Variants in LRMDA observed in about 807,000 individuals in gnomAD.
LRMDA encodes leucine rich melanocyte differentiation associated, also known as leucine-rich melanocyte differentiation-associated protein.
LRMDA carries 18 observed loss-of-function variants against 29.8 expected under a neutral mutation model. The observed-to-expected ratio is 0.60, with a 90% CI of 0.42 to 0.90. The LOEUF (loss-of-function observed/expected upper bound fraction) is 0.90, where lower values mean the gene tolerates loss of function less well. LRMDA is among the 40% of genes least tolerant of loss of function. LRMDA has a pLI of 0.00. For missense variants in LRMDA, 273 were observed against 273.9 expected (o/e 1.00, Z 0.02); for synonymous variants, 125 against 109.4 (o/e 1.14, Z -0.89).
At chr10:75,645,265 G>A (rs1841504056) in intron 2 of LRMDA, among the ~76,000 whole-genome samples, 2 of 152,212 alleles carry the variant, frequency 1.3e-5, no homozygotes, top group African/African-American at 4.8e-5. Context: ...TTACAGGCGT[G>A]AGCCACCGTG....
intron 2 of LRMDA, among the ~76,000 whole-genome samples, chr10:75,720,937 G>A (rs1379123441): frequency 6.6e-6 from 1 of 152,196 alleles, no homozygotes; most frequent in Non-Finnish European, 1.5e-5. Flanking sequence ...CTGGGTAGGG[G>A]TTAGTTTGGG....
intron 5 of LRMDA, among the ~76,000 whole-genome samples, chr10:76,129,133 C>T (rs995941500): frequency 6.6e-6 from 1 of 152,206 alleles, no homozygotes; most frequent in Admixed American, 6.5e-5. Flanking sequence ...TTCCAGTGTG[C>T]TTCCTAACCA....
chr10:75,798,944 TATC>T (rs1843700728), intron 2 of LRMDA, among the ~76,000 whole-genome samples: 1 of 152,194 alleles, frequency 6.6e-6, no homozygotes, highest in South Asian at 2.1e-4. Flanking sequence ...TTATTTTAAT[TATC>T]ATTATGGCAT....
At chr10:75,835,568 T>G (rs1261105266) in intron 2 of LRMDA, among the ~76,000 whole-genome samples, 2 of 152,216 alleles carry the variant, frequency 1.3e-5, no homozygotes, top group Non-Finnish European at 2.9e-5. Flanking sequence ...TTCTCCCAAC[T>G]TTTAGAAGGT....
chr10:76,303,018 A>G (rs1243630123), intron 5 of LRMDA, among the ~76,000 whole-genome samples: 1 of 152,174 alleles, frequency 6.6e-6, no homozygotes, highest in African/African-American at 2.4e-5. Flanking sequence ...AAAGAAAGAA[A>G]AAAGCATTTC....
chr10:75,870,807 C>T (rs10824345), intron 2 of LRMDA, among the ~76,000 whole-genome samples: 59,006 of 151,974 alleles, frequency 0.39, 13,345 homozygotes, highest in South Asian at 0.52. Context: ...GTGATATTTA[C>T]CCCTGTCTCC....
intron 2 of LRMDA, among the ~76,000 whole-genome samples, chr10:75,728,534 G>T (rs1232251900): frequency 6.6e-6 from 1 of 151,122 alleles, no homozygotes; most frequent in African/African-American, 2.4e-5. Flanking sequence ...CTCAAGAAGG[G>T]CAGAAAAGAC....
chr10:75,574,618 C>A (rs889345439), intron 2 of LRMDA, among the ~76,000 whole-genome samples: 1 of 152,170 alleles, frequency 6.6e-6, no homozygotes, highest in African/African-American at 2.4e-5. Flanking sequence ...ATAGGCCCTT[C>A]TTCTTCCCCT....
intron 2 of LRMDA, among the ~76,000 whole-genome samples, chr10:75,775,121 G>C (rs1207232388): frequency 1.3e-5 from 2 of 152,182 alleles, no homozygotes; most frequent in Non-Finnish European, 2.9e-5. Context: ...TCCTGAGAGG[G>C]GCCTATCAAG....
chr10:76,483,424 C>A (rs1262306672), intron 6 of LRMDA, among the ~76,000 whole-genome samples: 1 of 151,840 alleles, frequency 6.6e-6, no homozygotes, highest in Non-Finnish European at 1.5e-5. Flanking sequence ...TCACCCAAGA[C>A]CATGGTAACA....
chr10:75,450,525 A>G (rs1433575688), intron 2 of LRMDA: 1 of 152,214 alleles, frequency 6.6e-6, no homozygotes, highest in Non-Finnish European at 1.5e-5. Context: ...ATTAAACACA[A>G]TTGGAGGGAG....
At position 76,376,865 on chromosome 10, in the gene LRMDA, CTTTTTTTTTTTTTTTTTTTTTTTTTTT is replaced by C. The variant is rs71024600; in HGVS notation, c.601+52392_601+52418del. Among the ~76,000 whole-genome samples the C allele has an allele frequency of 1.1e-4, 5 of 47,374 alleles. 1 individual carries two copies. The highest frequency in any genetic ancestry group is 1.5e-4 in the Non-Finnish European group (4 of 25,832). The allele number at this position is 47,374 out of a possible 152,430, so 31.1% of individuals were successfully genotyped here. Reference sequence around the variant, plus strand: ...AAATGTTTGTTGGGCACTTGGAAGTCTTTTTTTTTTTTTTTTTTTTTTTTTTTTTTTTTTTTTTGAGACGTAGTCTCG... The same window carrying C: ...AAATGTTTGTTGGGCACTTGGAAGTCTTTTTTTTTTTGAGACGTAGTCTCG... On this transcript the variant is annotated intron_variant, in intron 6 of 6. Coordinates refer to ENST00000611255, the MANE Select transcript of LRMDA (RefSeq NM_001305581.2).
intron 2 of LRMDA, among the ~76,000 whole-genome samples, chr10:75,966,192 A>G (rs1345796684): frequency 6.6e-6 from 1 of 152,162 alleles, no homozygotes; most frequent in African/African-American, 2.4e-5. Flanking sequence ...TGTCCCACTG[A>G]TGGGATATAT....
At chr10:76,143,093 A>G (rs984183125) in intron 5 of LRMDA, among the ~76,000 whole-genome samples, 2 of 151,956 alleles carry the variant, frequency 1.3e-5, no homozygotes, top group Admixed American at 1.3e-4. Context: ...GTCTATCGTT[A>G]TTGGACATTT....
At chr10:75,661,286 C>T (rs187950309) in intron 2 of LRMDA, among the ~76,000 whole-genome samples, 3 of 152,330 alleles carry the variant, frequency 2.0e-5, no homozygotes, top group Non-Finnish European at 2.9e-5. Flanking sequence ...CTCGAAGGAT[C>T]CCAACAGAGG....
At chr10:76,363,363 G>A (rs1189561135) in intron 6 of LRMDA, among the ~76,000 whole-genome samples, 10 of 152,178 alleles carry the variant, frequency 6.6e-5, no homozygotes, top group African/African-American at 2.2e-4. Context: ...AGATTGGAAA[G>A]GAAGAAGTAA....
intron 5 of LRMDA, among the ~76,000 whole-genome samples, chr10:76,208,233 T>C (rs149219130): frequency 6.6e-6 from 1 of 152,050 alleles, no homozygotes; most frequent in Non-Finnish European, 1.5e-5. Flanking sequence ...TGTTACCGAG[T>C]TTTTTTAAAA....
chr10:76,392,990 T>A (rs1026818415), intron 6 of LRMDA, among the ~76,000 whole-genome samples: 3 of 152,166 alleles, frequency 2.0e-5, no homozygotes, highest in Admixed American at 6.6e-5. Flanking sequence ...TCCAGGTTCA[T>A]CCATGTTGTT....
intron 2 of LRMDA, chr10:75,882,884 G>C (rs140034281): frequency 6.6e-6 from 1 of 152,446 alleles, no homozygotes; most frequent in African/African-American, 2.4e-5. Flanking sequence ...GTAAAGGGAG[G>C]TGGTGGCTGC....
Sources: gnomAD v4.1 joint callset for allele counts (sites outside exome capture counted in the v4.1 genomes callset) on GRCh38, gnomAD v4.1.1 for gene constraint, MANE v1.5 for transcripts, NCBI Gene and HGNC (gene_info 2026-07-23, HGNC 2026-07-21) for gene names.